NAT1: variants seen among roughly 807,000 people sequenced by gnomAD.
NAT1 encodes the protein arylamine N-acetyltransferase 1.
For missense variants in NAT1, 400 were observed against 339.2 expected, an observed-to-expected ratio of 1.18 and a Z score of -1.41; for synonymous variants, 144 against 122.6, an observed-to-expected ratio of 1.17 and a Z score of -1.16.
chr8:18,191,712 G>C (rs915458105), intron 2 of NAT1, among the ~76,000 whole-genome samples: 6 of 152,134 alleles, frequency 3.9e-5, no homozygotes, highest in Admixed American at 1.3e-4. Flanking sequence ...TCTGATCTTT[G>C]ACAAACCTGA....
intron 2 of NAT1, among the ~76,000 whole-genome samples, chr8:18,176,007 T>C (rs1374799060): frequency 6.6e-6 from 1 of 152,160 alleles, no homozygotes; most frequent in Non-Finnish European, 1.5e-5. Context: ...CTTTCTGTTA[T>C]TTTGAGAAAT....
intron 2 of NAT1, among the ~76,000 whole-genome samples, chr8:18,174,696 G>A (rs766742431): frequency 1.3e-5 from 2 of 151,984 alleles, no homozygotes; most frequent in East Asian, 3.9e-4. Context: ...GTGTAGCAGT[G>A]GTAGCAAGCA....
At chr8:18,179,427 C>T (rs1253652875) in intron 2 of NAT1, among the ~76,000 whole-genome samples, 1 of 152,076 alleles carries the variant, frequency 6.6e-6, no homozygotes, top group East Asian at 1.9e-4. Context: ...CTCTTGAGAA[C>T]CTTGGTTTTG....
chr8:18,171,511 T>A (rs17692943), intron 2 of NAT1, among the ~76,000 whole-genome samples: 50,279 of 152,000 alleles, frequency 0.33, 8,924 homozygotes, highest in South Asian at 0.58. Context: ...TACCTCAAGT[T>A]TCTGAATCTG....
chr8:18,172,490 C>G (rs1802135681), intron 2 of NAT1, among the ~76,000 whole-genome samples: 1 of 152,144 alleles, frequency 6.6e-6, no homozygotes, highest in Non-Finnish European at 1.5e-5. Context: ...CACTTATTCT[C>G]CCTCATGCAA....
intron 2 of NAT1, among the ~76,000 whole-genome samples, chr8:18,191,535 T>G (rs1802990968): frequency 6.6e-6 from 1 of 151,812 alleles, no homozygotes; most frequent in Non-Finnish European, 1.5e-5. Flanking sequence ...CATCGCCAAG[T>G]CAATCCTAAG....
chr8:18,190,843 G>T (rs770161304), intron 2 of NAT1, among the ~76,000 whole-genome samples: 2 of 152,096 alleles, frequency 1.3e-5, no homozygotes, highest in Non-Finnish European at 2.9e-5. Flanking sequence ...GAGGTGGGTG[G>T]ATAACCTGAG....
At chr8:18,174,522 C>T (rs2117199270) in intron 2 of NAT1, among the ~76,000 whole-genome samples, 1 of 152,226 alleles carries the variant, frequency 6.6e-6, no homozygotes, top group Admixed American at 6.5e-5. Flanking sequence ...CAGGTCAAAT[C>T]CCATTAAAAA....
At position 18,175,841 on chromosome 8, in the gene NAT1, G is replaced by T. The variant is rs571021083; in HGVS notation, n.92+5102G>T. 4.0e-4 allele frequency among the ~76,000 whole-genome samples: 61 copies of T among 152,134 alleles called. 1 individual carries two copies. In the South Asian group the frequency reaches 7.7e-3, roughly 19 times the overall value. The stretch of plus-strand genomic sequence containing the variant: ...TTTATGTTCCCAACAGCATACAAGG[G>T]TTTCCTATTCTCCAGATCCTTGCTA... On this transcript the variant is annotated intron_variant and non_coding_transcript_variant, in intron 2 of 4. Coordinates refer to the NAT1 transcript ENST00000517441.
chr8:18,222,988 T>G lies in NAT1; in HGVS notation c.*68T>G. On this transcript the variant is annotated 3_prime_UTR_variant, in exon 3 of 3. Transcript: ENST00000307719. ...CCAGTTATCAACTGACGACCTATCA[T>G]GTATCTTCTGTACCCTTACCTTATT... 1.5e-6 allele frequency: 2 copies of G among 1,338,270 alleles called. No individual in the cohort carries two copies. Among genetic ancestry groups the G allele is most frequent in the Non-Finnish European group, 2.0e-6 (2 of 996,104 alleles). 82.9% of individuals were successfully genotyped at this position (1,338,270 alleles called of 1,614,324 possible). A position where few individuals can be genotyped will look rare whatever the true frequency, so the allele number is the denominator to read the frequency against.
intron 2 of NAT1, among the ~76,000 whole-genome samples, chr8:18,221,561 A>G (rs545204070): frequency 3.9e-5 from 6 of 152,292 alleles, no homozygotes; most frequent in Non-Finnish European, 8.8e-5. Context: ...TTCTTGAGTT[A>G]ATCAATCAAT....
intron 2 of NAT1, among the ~76,000 whole-genome samples, chr8:18,191,528 C>A (rs1033668001): frequency 6.6e-6 from 1 of 151,844 alleles, no homozygotes; most frequent in Admixed American, 6.6e-5. Context: ...GAGCCCGCAT[C>A]GCCAAGTCAA....
rs1389255907 is a variant in NAT1 at position 18,222,898 on chromosome 8, G to C, written c.851G>C (p.Gly284Ala). The change falls in exon 3 of 3, where the codon GGT (glycine) becomes GCT (alanine). Residue 284 changes from glycine to alanine, a missense_variant. Physicochemically the swap from Gly to Ala is moderately conservative, Grantham distance 60. Coordinates refer to ENST00000307719, the MANE Select transcript of NAT1 (RefSeq NM_000662.8). The part of the protein sequence containing the change: ...SLQRKLVPKH[G>A]DRFFTI ...CAGAGAAAGCTTGTGCCCAAACATGGTGATAGATTTTTTACTATTTAGAAT... is the reference window on the plus strand; with the variant it reads ...CAGAGAAAGCTTGTGCCCAAACATGCTGATAGATTTTTTACTATTTAGAAT... 2 of 1,559,226 alleles carry C rather than the reference G, an allele frequency of 1.3e-6. No homozygotes were observed. The highest frequency in any genetic ancestry group is 1.7e-6 in the Non-Finnish European group (2 of 1,160,110).
intron 2 of NAT1, among the ~76,000 whole-genome samples, chr8:18,186,493 T>G (rs555403971): frequency 1.3e-4 from 20 of 152,226 alleles, no homozygotes; most frequent in African/African-American, 3.9e-4. Flanking sequence ...TCGCTACACA[T>G]ATGTAAGTAG....
At chr8:18,220,767 C>CCACCAGCT (rs1805197935) in intron 2 of NAT1, among the ~76,000 whole-genome samples, 1 of 152,160 alleles carries the variant, frequency 6.6e-6, no homozygotes, top group East Asian at 1.9e-4. Flanking sequence ...AATGAATACC[C>CCACCAGCT]CACCAGCTTC....
chr8:18,204,517 ATAAGTT>A (rs1359918432), intron 2 of NAT1, among the ~76,000 whole-genome samples: 1 of 152,174 alleles, frequency 6.6e-6, no homozygotes, highest in Non-Finnish European at 1.5e-5. Flanking sequence ...CTTATTAAAC[ATAAGTT>A]TAAGTTTATA....
chr8:18,194,415 C>T (rs1302071532), intron 2 of NAT1, among the ~76,000 whole-genome samples: 2 of 152,098 alleles, frequency 1.3e-5, no homozygotes, highest in Non-Finnish European at 2.9e-5. Context: ...TGTTTAGCAC[C>T]AGGACCAAGT....
At chr8:18,215,401 T>A (rs1804548005) in intron 1 of NAT1, among the ~76,000 whole-genome samples, 1 of 152,252 alleles carries the variant, frequency 6.6e-6, no homozygotes, top group South Asian at 2.1e-4. Flanking sequence ...ATATCAAGCT[T>A]TTCTGCCACA....
chr8:18,191,649 G>C (rs1250757017), intron 2 of NAT1, among the ~76,000 whole-genome samples: 1 of 152,114 alleles, frequency 6.6e-6, no homozygotes, highest in Non-Finnish European at 1.5e-5. Context: ...CAGAGATATA[G>C]ATCGATGGAA....
Sources: allele counts gnomAD v4.1 joint callset (sites outside exome capture counted in the v4.1 genomes callset), GRCh38; gene constraint gnomAD v4.1.1; transcripts MANE v1.5; gene names NCBI Gene and HGNC (gene_info 2026-07-23, HGNC 2026-07-21).